Variants in RABGAP1 observed in about 807,000 individuals in gnomAD.
RABGAP1 encodes the protein rab GTPase-activating protein 1.
A neutral mutation model predicts 137.6 loss-of-function variants in RABGAP1; 23 were observed. That is an observed-to-expected ratio of 0.17 (90% CI 0.12 to 0.24). The LOEUF (loss-of-function observed/expected upper bound fraction) is 0.24, where lower values mean the gene tolerates loss of function less well. Ranked by LOEUF, RABGAP1 falls within the 10% of genes least tolerant of loss-of-function variation. The probability of loss-of-function intolerance (pLI) is 1.00; values close to 1 mark genes in which losing one functional copy is unlikely to be tolerated. For synonymous variants in RABGAP1, 451 were observed against 450.7 expected (o/e 1.00, Z -0.01); for missense variants, 906 against 1,275.8 (o/e 0.71, Z 4.42).
intron 1 of RABGAP1, among the ~76,000 whole-genome samples, chr9:122,955,447 T>C (rs1588163406): frequency 6.6e-6 from 1 of 152,366 alleles, no homozygotes; most frequent in Middle Eastern, 3.4e-3. Context: ...TTGAATGCCA[T>C]ACTATGTATT....
intron 19 of RABGAP1, among the ~76,000 whole-genome samples, chr9:123,089,375 A>G (rs2034969291): frequency 6.6e-6 from 1 of 152,150 alleles, no homozygotes; most frequent in Non-Finnish European, 1.5e-5. Flanking sequence ...AGAATAGCAC[A>G]CCTCGTAGAG....
chr9:123,057,544 G>T (rs1588349797), intron 13 of RABGAP1, among the ~76,000 whole-genome samples: 1 of 151,760 alleles, frequency 6.6e-6, no homozygotes, highest in East Asian at 1.9e-4. Context: ...TGGCGGCCGG[G>T]CAGAGACGCT....
intron 11 of RABGAP1, among the ~76,000 whole-genome samples, chr9:123,013,747 A>G (rs535262778): frequency 6.6e-6 from 1 of 152,352 alleles, no homozygotes; most frequent in Admixed American, 6.5e-5. Flanking sequence ...TTATAATATA[A>G]AAACGTTCAA....
intron 10 of RABGAP1, among the ~76,000 whole-genome samples, chr9:123,005,341 A>G (rs1385281577): frequency 1.3e-5 from 2 of 151,368 alleles, no homozygotes; most frequent in African/African-American, 4.9e-5. Flanking sequence ...AAATGTCATA[A>G]TTATGTAGAA....
chr9:122,973,862 T>C (rs1040176605), intron 2 of RABGAP1, among the ~76,000 whole-genome samples: 1 of 152,032 alleles, frequency 6.6e-6, no homozygotes, highest in South Asian at 2.1e-4. Context: ...ATACAAAAAT[T>C]AGCTGGGCGT....
chr9:123,078,694 G>A (rs1339127099), intron 19 of RABGAP1, among the ~76,000 whole-genome samples: 1 of 151,986 alleles, frequency 6.6e-6, no homozygotes, highest in African/African-American at 2.4e-5. Flanking sequence ...CTTTCTCAGT[G>A]TCCCCATCTC....
chr9:122,995,941 C>G (rs879495393), intron 6 of RABGAP1, 100 bp from the exon 7 acceptor site: 58 of 1,469,822 alleles, frequency 3.9e-5, no homozygotes, highest in Non-Finnish European at 4.7e-5. Context: ...AAACTAGGCA[C>G]AGAAAAGAAT....
chr9:122,958,115 C>G (rs1380069893), intron 2 of RABGAP1, among the ~76,000 whole-genome samples: 3 of 152,216 alleles, frequency 2.0e-5, no homozygotes. Context: ...CCCCATTTCA[C>G]TCCCACTTGT....
chr9:123,076,174 G>T (rs1234787697), intron 17 of RABGAP1, 71 bp from the exon 18 acceptor site: 1 of 1,452,668 alleles, frequency 6.9e-7, no homozygotes, highest in African/African-American at 1.4e-5. Context: ...AAAATGTGGG[G>T]TATAAGGACA....
At position 123,085,931 on chromosome 9, in the gene RABGAP1, ATTTG is replaced by A. The variant is rs146054278; in HGVS notation, c.2425-3823_2425-3820del. Among the ~76,000 whole-genome samples the A allele has an allele frequency of 8.8e-3, 1,341 of 152,250 alleles. 16 individuals carry two copies. Among genetic ancestry groups the A allele is most frequent in the African/African-American group, 0.03 (1,265 of 41,524 alleles). On this transcript the variant is annotated intron_variant, in intron 19 of 25. Transcript: ENST00000373647. Reference sequence around the variant, plus strand: ...GGTAAAAAGGAAGCCTTTGGCTTTGATTTGTTTAACATCCTATTTTTATGAGTCC... The same window carrying A: ...GGTAAAAAGGAAGCCTTTGGCTTTGATTTAACATCCTATTTTTATGAGTCC...
At chr9:123,029,653 T>G in intron 13 of RABGAP1, 1 of 713,130 alleles carries the variant, frequency 1.4e-6, no homozygotes, top group Non-Finnish European at 2.7e-6. Context: ...TTTGGACCAT[T>G]TCTTCTTTTT....
intron 10 of RABGAP1, among the ~76,000 whole-genome samples, chr9:123,004,485 A>G (rs1019526957): frequency 1.3e-5 from 2 of 151,918 alleles, no homozygotes; most frequent in South Asian, 2.1e-4. Context: ...GAGTTTCACC[A>G]TGTTGCCCAG....
At chr9:123,071,619 T>C (rs2034359099) in intron 15 of RABGAP1, 1 of 152,214 alleles carries the variant, frequency 6.6e-6, no homozygotes, top group Admixed American at 6.5e-5. Context: ...TATTAAGGTA[T>C]AATAAAAAGT....
intron 19 of RABGAP1, among the ~76,000 whole-genome samples, chr9:123,087,879 T>C (rs2034917157): frequency 6.6e-6 from 1 of 152,136 alleles, no homozygotes; most frequent in African/African-American, 2.4e-5. Flanking sequence ...TCCTGTTCCC[T>C]TTCTAGGTCT....
chr9:123,010,534 C>T lies in RABGAP1; in HGVS notation c.1549+6C>T. 2 of 1,609,850 alleles carry T rather than the reference C, an allele frequency of 1.2e-6. No individual in the cohort carries two copies. The highest frequency in any genetic ancestry group is 1.3e-5 in the African/African-American group (1 of 74,930). ...AGAAGATGATGAAGAGGAAGGTAAACTGTAGGGATAGCTTAATTTATTTTT... is the reference window on the plus strand; with the variant it reads ...AGAAGATGATGAAGAGGAAGGTAAATTGTAGGGATAGCTTAATTTATTTTT... On this transcript the variant is annotated splice_donor_region_variant and intron_variant, in intron 11 of 25. Transcript: ENST00000373647.
chr9:123,025,431 G>A (rs1159778805), intron 13 of RABGAP1, among the ~76,000 whole-genome samples: 1 of 151,910 alleles, frequency 6.6e-6, no homozygotes, highest in Non-Finnish European at 1.5e-5. Context: ...CACCCTATAA[G>A]GTTATGTGGA....
intron 12 of RABGAP1, among the ~76,000 whole-genome samples, chr9:123,015,941 G>A (rs1175921777): frequency 6.6e-6 from 1 of 152,128 alleles, no homozygotes; most frequent in East Asian, 1.9e-4. Flanking sequence ...GAGTGGTTCA[G>A]ATAATACACA....
chr9:123,062,238 A>AT (rs2034003787), intron 13 of RABGAP1: 3 of 152,294 alleles, frequency 2.0e-5, no homozygotes. Context: ...ATTGTACTCC[A>AT]GCCTGGGCGA....
chr9:123,086,691 G>C (rs1172355829), intron 19 of RABGAP1, among the ~76,000 whole-genome samples: 1 of 151,532 alleles, frequency 6.6e-6, no homozygotes, highest in Non-Finnish European at 1.5e-5. Context: ...GAGTGTTTAA[G>C]GGAGAAAGGG....
Sources: gnomAD v4.1 joint callset for allele counts (sites outside exome capture counted in the v4.1 genomes callset) on GRCh38, gnomAD v4.1.1 for gene constraint, MANE v1.5 for transcripts, NCBI Gene and HGNC (gene_info 2026-07-23, HGNC 2026-07-21) for gene names.